PDE4B: variants seen among roughly 807,000 people sequenced by gnomAD.
The protein encoded by PDE4B is phosphodiesterase 4B.
In PDE4B, 20 loss-of-function variants were observed where a neutral mutation model predicts 82.2. That is an observed-to-expected ratio of 0.24 (90% CI 0.17 to 0.35). The LOEUF is 0.35. PDE4B is among the 10% of genes least tolerant of loss of function. PDE4B has a pLI of 1.00. For synonymous variants in PDE4B, 320 were observed against 318.9 expected, an observed-to-expected ratio of 1.00 and a Z score of -0.04; for missense variants, 655 against 907.2, an observed-to-expected ratio of 0.72 and a Z score of 3.57.
intron 1 of PDE4B, among the ~76,000 whole-genome samples, chr1:65,809,269 T>A (rs957379563): frequency 7.1e-6 from 1 of 141,576 alleles, no homozygotes; most frequent in Admixed American, 7.6e-5. Flanking sequence ...AGGCAGAGGT[T>A]GCAGTGAACT....
At chr1:65,932,961 T>A (rs1483603901) in intron 3 of PDE4B, among the ~76,000 whole-genome samples, 2 of 152,106 alleles carry the variant, frequency 1.3e-5, no homozygotes, top group East Asian at 3.9e-4. Flanking sequence ...TGGGACACCA[T>A]CAAGTGGACC....
chr1:66,347,295 C>T (rs1661469414), intron 8 of PDE4B, among the ~76,000 whole-genome samples: 1 of 152,142 alleles, frequency 6.6e-6, no homozygotes, highest in African/African-American at 2.4e-5. Flanking sequence ...AGCCCAACTA[C>T]CTTTTTTAAT....
At chr1:66,201,579 C>T (rs1444392945) in intron 3 of PDE4B, among the ~76,000 whole-genome samples, 2 of 148,596 alleles carry the variant, frequency 1.3e-5, no homozygotes, top group African/African-American at 5.0e-5. Context: ...CTTGGGAGGG[C>T]GTATGTGTCG....
At chr1:65,994,454 C>G (rs150846962) in intron 3 of PDE4B, among the ~76,000 whole-genome samples, 1,531 of 152,140 alleles carry the variant, frequency 0.01, 21 homozygotes, top group African/African-American at 0.035. Context: ...ATTGTAATCT[C>G]TTATTTGCAG....
At chr1:66,059,725 A>G (rs1324762173) in intron 3 of PDE4B, among the ~76,000 whole-genome samples, 7 of 152,170 alleles carry the variant, frequency 4.6e-5, no homozygotes. Flanking sequence ...CTCCCCTAAC[A>G]TGTGGGAATT....
intron 8 of PDE4B, among the ~76,000 whole-genome samples, chr1:66,336,122 A>C (rs913901145): frequency 2.0e-5 from 3 of 152,198 alleles, no homozygotes; most frequent in African/African-American, 7.2e-5. Flanking sequence ...CCTGACCTTC[A>C]CTGTGGCTCA....
chr1:65,898,714 G>T (rs1397790873), intron 1 of PDE4B, among the ~76,000 whole-genome samples: 1 of 152,056 alleles, frequency 6.6e-6, no homozygotes, highest in East Asian at 1.9e-4. Flanking sequence ...ATAAAGTGGA[G>T]AAAGGACACC....
chr1:66,183,389 T>C lies in PDE4B; in HGVS notation c.282-64071T>C, dbSNP rs540554463. On this transcript the variant is annotated intron_variant, in intron 3 of 16. Coordinates refer to ENST00000341517, the MANE Select transcript of PDE4B (RefSeq NM_002600.4). ...TAGGGATACAGCTGAGCATTAATGA[T>C]AAAATATGTTCAGATGCTAATTTTT... Among the ~76,000 whole-genome samples, 6 of 152,318 alleles carry C rather than the reference T, an allele frequency of 3.9e-5. No homozygotes were observed. The South Asian group carries it at 1.0e-3, about 26-fold the overall frequency.
intron 3 of PDE4B, among the ~76,000 whole-genome samples, chr1:66,066,589 G>C (rs893521575): frequency 6.6e-6 from 1 of 151,812 alleles, no homozygotes; most frequent in African/African-American, 2.4e-5. Flanking sequence ...GAAAGTTCCA[G>C]GTGAATTTAT....
intron 3 of PDE4B, among the ~76,000 whole-genome samples, chr1:66,009,327 A>G (rs917828674): frequency 6.6e-6 from 1 of 152,152 alleles, no homozygotes; most frequent in Non-Finnish European, 1.5e-5. Flanking sequence ...CCAAGTAACC[A>G]TTACCTCAAA....
chr1:66,185,092 T>C (rs1647156981), intron 3 of PDE4B, among the ~76,000 whole-genome samples: 1 of 152,158 alleles, frequency 6.6e-6, no homozygotes, highest in Non-Finnish European at 1.5e-5. Context: ...ATGCGGTGTT[T>C]GGTTTTTTTG....
At chr1:66,357,223 G>A (rs1227739282) in intron 9 of PDE4B, among the ~76,000 whole-genome samples, 1 of 152,120 alleles carries the variant, frequency 6.6e-6, no homozygotes, top group Non-Finnish European at 1.5e-5. Context: ...GTTATATGAA[G>A]TCCCTGAGCC....
intron 3 of PDE4B, among the ~76,000 whole-genome samples, chr1:66,067,155 G>A (rs971229577): frequency 1.3e-5 from 2 of 152,078 alleles, no homozygotes; most frequent in Non-Finnish European, 2.9e-5. Flanking sequence ...ACATACGTGT[G>A]CATGTGTCTT....
intron 3 of PDE4B, among the ~76,000 whole-genome samples, chr1:66,213,770 C>T (rs1419723393): frequency 6.6e-6 from 1 of 152,120 alleles, no homozygotes; most frequent in African/African-American, 2.4e-5. Flanking sequence ...TGGATTTTGG[C>T]TCCAGTATAG....
intron 3 of PDE4B, among the ~76,000 whole-genome samples, chr1:66,236,470 A>C (rs1652465974): frequency 6.6e-6 from 1 of 152,144 alleles, no homozygotes; most frequent in South Asian, 2.1e-4. Flanking sequence ...CCAGATTTCC[A>C]TCTGGTATCA....
At chr1:65,990,419 G>A (rs754542447) in intron 3 of PDE4B, among the ~76,000 whole-genome samples, 1 of 152,062 alleles carries the variant, frequency 6.6e-6, no homozygotes. Context: ...ACTTCAAATT[G>A]CTGGGGTTTT....
chr1:66,354,869 T>C, intron 8 of PDE4B: 1 of 1,535,806 alleles, frequency 6.5e-7, no homozygotes, highest in Non-Finnish European at 8.7e-7. Flanking sequence ...AATTATTTGT[T>C]ATCTGTATCT....
At chr1:66,078,531 C>A (rs1326157265) in intron 3 of PDE4B, among the ~76,000 whole-genome samples, 1 of 152,000 alleles carries the variant, frequency 6.6e-6, no homozygotes, top group Admixed American at 6.6e-5. Context: ...TCTTTAATCA[C>A]CATGTTGTGC....
chr1:65,887,254 T>TCTTTTCTTTCTTC (rs1646795508), intron 1 of PDE4B, among the ~76,000 whole-genome samples: 1 of 47,182 alleles, frequency 2.1e-5, no homozygotes, highest in Non-Finnish European at 4.3e-5. Context: ...TTCTTTTCTT[T>TCTTTTCTTTCTTC]CTTTCTTTCC....
Sources: gnomAD v4.1 joint callset for allele counts (sites outside exome capture counted in the v4.1 genomes callset) on GRCh38, gnomAD v4.1.1 for gene constraint, MANE v1.5 for transcripts, NCBI Gene and HGNC (gene_info 2026-07-23, HGNC 2026-07-21) for gene names.